DAB2IP: variants seen among roughly 807,000 people sequenced by gnomAD.
The protein encoded by DAB2IP is disabled homolog 2-interacting protein.
In DAB2IP, 28 loss-of-function variants were observed where a neutral mutation model predicts 107.2. That is an observed-to-expected ratio of 0.26 (90% CI 0.19 to 0.36). The LOEUF is 0.36. Ranked by LOEUF, DAB2IP falls within the 10% of genes least tolerant of loss-of-function variation. The pLI is 1.00. For synonymous variants in DAB2IP, 755 were observed against 706.4 expected (o/e 1.07, Z -1.09); for missense variants, 1,400 against 1,644.7 (o/e 0.85, Z 2.57).
At chr9:121,639,085 G>A (rs946883846) in intron 1 of DAB2IP, among the ~76,000 whole-genome samples, 3 of 152,202 alleles carry the variant, frequency 2.0e-5, no homozygotes, top group Non-Finnish European at 2.9e-5. Context: ...GGCTGTGTGG[G>A]ATTGAATCCT....
chr9:121,642,638 A>ACAGGGGCTTTGAGCC (rs1832403334), intron 1 of DAB2IP, among the ~76,000 whole-genome samples: 1 of 150,032 alleles, frequency 6.7e-6, no homozygotes, highest in African/African-American at 2.4e-5. Context: ...AAAAAAAAGA[A>ACAGGGGCTTTGAGCC]CAGGGGCTTT....
At chr9:121,568,895 A>C (rs2118877167) in intron 1 of DAB2IP, among the ~76,000 whole-genome samples, 1 of 152,292 alleles carries the variant, frequency 6.6e-6, no homozygotes, top group Non-Finnish European at 1.5e-5. Flanking sequence ...CTCCACCCTC[A>C]TGGAAAGGCC....
intron 1 of DAB2IP, among the ~76,000 whole-genome samples, chr9:121,614,057 G>A (rs1261533206): frequency 2.0e-5 from 3 of 152,130 alleles, no homozygotes; most frequent in Non-Finnish European, 4.4e-5. Flanking sequence ...AGTAGCTGCA[G>A]GAATTAACTG....
chr9:121,650,487 C>G (rs777608962), upstream of DAB2IP, among the ~76,000 whole-genome samples: 1 of 152,220 alleles, frequency 6.6e-6, no homozygotes, highest in African/African-American at 2.4e-5. Flanking sequence ...GATCCCCTAG[C>G]CGGCCTCAGG....
At chr9:121,607,170 G>T (rs1205244701) in intron 1 of DAB2IP, among the ~76,000 whole-genome samples, 1 of 152,200 alleles carries the variant, frequency 6.6e-6, no homozygotes, top group Admixed American at 6.5e-5. Flanking sequence ...CCCTGTCCTT[G>T]TAGGTGACAG....
intron 3 of DAB2IP, among the ~76,000 whole-genome samples, chr9:121,731,950 G>T (rs1564185446): frequency 1.3e-5 from 2 of 152,130 alleles, no homozygotes; most frequent in Middle Eastern, 3.2e-3. Context: ...ACTCTGGTGG[G>T]GTGGACGCAG....
At chr9:121,690,832 G>A (rs1382408967) in intron 2 of DAB2IP, among the ~76,000 whole-genome samples, 3 of 152,180 alleles carry the variant, frequency 2.0e-5, no homozygotes, top group Non-Finnish European at 4.4e-5. Context: ...GGCTCAGGTG[G>A]TGGTGTATAA....
intron 3 of DAB2IP, among the ~76,000 whole-genome samples, chr9:121,731,333 C>T (rs959924444): frequency 6.6e-6 from 1 of 152,164 alleles, no homozygotes; most frequent in African/African-American, 2.4e-5. Context: ...GATCTCTCTC[C>T]CTCTGGCACA....
intron 1 of DAB2IP, among the ~76,000 whole-genome samples, chr9:121,595,941 G>T (rs541035214): frequency 3.3e-5 from 5 of 152,250 alleles, no homozygotes; most frequent in African/African-American, 9.6e-5. Flanking sequence ...CCAACACTTT[G>T]TTTGGGAGGC....
Position 121,633,404 on chromosome 9 carries a change from C to T in DAB2IP, c.41-45274C>T, listed in dbSNP as rs1564123521. ...CCCCACCCCCCCTACCAAACCACCT[C>T]TGCTGCAAACAGAGTGCCTGGTGAG... On this transcript the variant is annotated intron_variant, in intron 1 of 16. Transcript: ENST00000259371. The surrounding 1 kb of genome is among the most constrained non-coding windows in gnomAD (Gnocchi z 5.1). Among the ~76,000 whole-genome samples the T allele has an allele frequency of 6.6e-6, 1 of 152,140 alleles. No homozygotes were observed. The highest frequency in any genetic ancestry group is 1.5e-5 in the Non-Finnish European group (1 of 68,030).
chr9:121,585,294 A>C (rs186492569), intron 1 of DAB2IP, among the ~76,000 whole-genome samples: 249 of 152,194 alleles, frequency 1.6e-3, no homozygotes, highest in African/African-American at 5.8e-3. Flanking sequence ...TTGCATAGGA[A>C]CTTGGGGAAG....
At chr9:121,641,992 CCTTTCTCT>C (rs1832335932) in intron 1 of DAB2IP, among the ~76,000 whole-genome samples, 1 of 29,328 alleles carries the variant, frequency 3.4e-5, no homozygotes, top group Admixed American at 4.8e-4. Context: ...TTCTTTCTTT[CCTTTCTCT>C]CTCTCTCTCT....
chr9:121,768,351 G>A, intron 9 of DAB2IP, 81 bp from the exon 10 acceptor site: 1 of 1,441,656 alleles, frequency 6.9e-7, no homozygotes, highest in Non-Finnish European at 9.8e-7. Context: ...GGGAAAGCGG[G>A]TGGTGGTGTC....
At chr9:121,731,991 C>T (rs1472443905) in intron 3 of DAB2IP, among the ~76,000 whole-genome samples, 2 of 152,150 alleles carry the variant, frequency 1.3e-5, no homozygotes. Context: ...AGTGACCTAG[C>T]CACAGACACA....
chr9:121,578,237 T>G, intron 1 of DAB2IP, among the ~76,000 whole-genome samples: 1 of 152,054 alleles, frequency 6.6e-6, no homozygotes, highest in East Asian at 1.9e-4. Context: ...TCTGTCTCTT[T>G]CTGTCTCTCT....
At chr9:121,577,885 AGCCT>A (rs1830101228) in intron 1 of DAB2IP, among the ~76,000 whole-genome samples, 1 of 152,180 alleles carries the variant, frequency 6.6e-6, no homozygotes, top group Non-Finnish European at 1.5e-5. Flanking sequence ...TAGGCCCTGC[AGCCT>A]GAGGTCAGGG....
intron 1 of DAB2IP, among the ~76,000 whole-genome samples, chr9:121,656,222 G>A (rs185945033): frequency 1.6e-3 from 239 of 152,192 alleles, no homozygotes; most frequent in Middle Eastern, 6.8e-3. Context: ...TGGTCAGGCT[G>A]GTCTCGAACT....
At chr9:121,757,726 A>G (rs774046397) in intron 4 of DAB2IP, among the ~76,000 whole-genome samples, 4 of 150,918 alleles carry the variant, frequency 2.7e-5, no homozygotes, top group Non-Finnish European at 4.4e-5. Flanking sequence ...GTCACACAGC[A>G]AGGCTGAGAC....
At chr9:121,647,701 A>G (rs1176118519), upstream of DAB2IP, among the ~76,000 whole-genome samples, 2 of 152,140 alleles carry the variant, frequency 1.3e-5, no homozygotes, top group Non-Finnish European at 2.9e-5. Context: ...TTGGAGTCAG[A>G]GTAGACTTTT....
Sources: allele counts gnomAD v4.1 joint callset (sites outside exome capture counted in the v4.1 genomes callset), GRCh38; gene constraint gnomAD v4.1.1; non-coding constraint Gnocchi (gnomAD v3.1); transcripts MANE v1.5; gene names NCBI Gene and HGNC (gene_info 2026-07-23, HGNC 2026-07-21).